The following DLC1 variants were observed in gnomAD, a reference collection of about 807,000 sequenced individuals.
DLC1 encodes the protein DLC1 Rho GTPase activating protein.
DLC1 carries 54 observed loss-of-function variants against 140.3 expected under a neutral mutation model. The ratio of observed to expected loss-of-function variants is 0.38; its 90% CI spans 0.31 to 0.48. The LOEUF (loss-of-function observed/expected upper bound fraction) is 0.48. Among genes scored for constraint, DLC1 ranks in the 20% least tolerant of loss-of-function variants. The pLI, the probability that DLC1 is intolerant of heterozygous loss-of-function variation, is 0.96. For synonymous variants in DLC1, 986 were observed against 728.1 expected (o/e 1.35, Z -5.70); for missense variants, 2,536 against 1,907.0 (o/e 1.33, Z -6.14).
At chr8:13,118,321 A>C (rs1323785568) in intron 5 of DLC1, among the ~76,000 whole-genome samples, 1 of 152,240 alleles carries the variant, frequency 6.6e-6, no homozygotes, top group Non-Finnish European at 1.5e-5. Context: ...CTTCTTCAGC[A>C]GATAATTTAA....
intron 1 of DLC1, among the ~76,000 whole-genome samples, chr8:13,550,948 T>C (rs919803258): frequency 2.6e-5 from 4 of 152,056 alleles, no homozygotes; most frequent in African/African-American, 7.2e-5. Flanking sequence ...AAGTTAAATA[T>C]GTTTTTCTCT....
At chr8:13,435,611 G>C (rs944102232) in intron 2 of DLC1, among the ~76,000 whole-genome samples, 1 of 152,196 alleles carries the variant, frequency 6.6e-6, no homozygotes, top group Non-Finnish European at 1.5e-5. Flanking sequence ...ACTGTGCCCA[G>C]CGAGGAGTTG....
intron 1 of DLC1, among the ~76,000 whole-genome samples, chr8:13,592,756 A>G (rs1033896007): frequency 1.3e-5 from 2 of 152,100 alleles, no homozygotes; most frequent in South Asian, 2.1e-4. Context: ...GCCCAAGCCA[A>G]CAGTTTCTTT....
intron 1 of DLC1, among the ~76,000 whole-genome samples, chr8:13,593,390 A>C (rs1805584240): frequency 6.6e-6 from 1 of 152,146 alleles, no homozygotes; most frequent in Admixed American, 6.6e-5. Context: ...TGCTCCCCAG[A>C]AGCTGAGTGT....
At chr8:13,578,220 C>T (rs887140478) in intron 1 of DLC1, among the ~76,000 whole-genome samples, 3 of 152,118 alleles carry the variant, frequency 2.0e-5, no homozygotes, top group African/African-American at 7.2e-5. Context: ...TCAATGACTT[C>T]TCCTTTCTCT....
intron 3 of DLC1, among the ~76,000 whole-genome samples, chr8:13,395,342 C>T (rs368383232): frequency 5.7e-4 from 86 of 152,168 alleles, no homozygotes; most frequent in South Asian, 1.5e-3. Context: ...AGACTGGTCT[C>T]GAACTCCTCA....
chr8:13,476,646 A>G (rs967780649), intron 2 of DLC1, among the ~76,000 whole-genome samples: 3 of 152,184 alleles, frequency 2.0e-5, no homozygotes, highest in African/African-American at 7.2e-5. Context: ...ATAAGATGTT[A>G]GAGTTATGAA....
chr8:13,184,555 T>C (rs1344090657), intron 5 of DLC1, among the ~76,000 whole-genome samples: 1 of 152,246 alleles, frequency 6.6e-6, no homozygotes, highest in Admixed American at 6.5e-5. Context: ...TTTCATTATT[T>C]ACCCAGTAGT....
chr8:13,257,920 G>T (rs56221815), intron 5 of DLC1, among the ~76,000 whole-genome samples: 19,636 of 152,166 alleles, frequency 0.13, 1,333 homozygotes, highest in South Asian at 0.17. Context: ...CTGTTTTCTA[G>T]CTAGAAAAGT....
At chr8:13,210,653 C>G (rs913383580) in intron 5 of DLC1, among the ~76,000 whole-genome samples, 1 of 152,140 alleles carries the variant, frequency 6.6e-6, no homozygotes, top group Non-Finnish European at 1.5e-5. Flanking sequence ...TGATATTTTG[C>G]TATTGTAACA....
intron 5 of DLC1, among the ~76,000 whole-genome samples, chr8:13,167,635 A>G (rs1349786061): frequency 6.6e-6 from 1 of 152,192 alleles, no homozygotes; most frequent in African/African-American, 2.4e-5. Context: ...CACAGCTACC[A>G]AATTTGTTAA....
intron 5 of DLC1, among the ~76,000 whole-genome samples, chr8:13,270,775 A>T (rs917593842): frequency 6.6e-6 from 1 of 152,162 alleles, no homozygotes; most frequent in Non-Finnish European, 1.5e-5. Context: ...TTTGCCCAAA[A>T]GCCCAAAGCC....
chr8:13,086,240 A>C (rs770077590), intron 17 of DLC1, 50 bp downstream of exon 17: 18 of 1,572,770 alleles, frequency 1.1e-5, no homozygotes, highest in Non-Finnish European at 1.6e-5. Context: ...AAAAAGTCAG[A>C]ATTTCCTTCA....
chr8:13,414,295 G>T (rs979451941), intron 2 of DLC1, among the ~76,000 whole-genome samples: 1 of 152,086 alleles, frequency 6.6e-6, no homozygotes, highest in East Asian at 1.9e-4. Flanking sequence ...AATAAATGTG[G>T]TTACTAAAGT....
chr8:13,241,147 A>G (rs1035976285), intron 5 of DLC1, among the ~76,000 whole-genome samples: 3 of 152,222 alleles, frequency 2.0e-5, no homozygotes, highest in Admixed American at 6.5e-5. Flanking sequence ...CTGCCCTTCA[A>G]TAAGGAGGCT....
At chr8:13,368,011 G>A (rs1835568360) in intron 4 of DLC1, among the ~76,000 whole-genome samples, 1 of 152,120 alleles carries the variant, frequency 6.6e-6, no homozygotes, top group Non-Finnish European at 1.5e-5. Context: ...AGCTGGGAAT[G>A]GTTTCTGGAA....
chr8:13,304,584 T>C (rs1390821570), intron 5 of DLC1: 2 of 737,796 alleles, frequency 2.7e-6, no homozygotes, highest in African/African-American at 1.9e-5. Flanking sequence ...AAATCACAAA[T>C]GTCTACAAAC....
chr8:13,120,349 A>AG, intron 5 of DLC1, among the ~76,000 whole-genome samples: 1 of 123,582 alleles, frequency 8.1e-6, no homozygotes, highest in Non-Finnish European at 1.6e-5. Context: ...TCGCAAAAAA[A>AG]AAAAAAAATA....
At chr8:13,308,304 T>C (rs937289927) in intron 4 of DLC1, among the ~76,000 whole-genome samples, 1 of 152,182 alleles carries the variant, frequency 6.6e-6, no homozygotes, top group Non-Finnish European at 1.5e-5. Flanking sequence ...CTCACTTCCA[T>C]TACATAACTT....
Sources: allele counts gnomAD v4.1 joint callset (sites outside exome capture counted in the v4.1 genomes callset), GRCh38; gene constraint gnomAD v4.1.1; transcripts MANE v1.5; gene names NCBI Gene and HGNC (gene_info 2026-07-23, HGNC 2026-07-21).